Variants in OSBPL5 observed in about 807,000 individuals in gnomAD.
The protein encoded by OSBPL5 is oxysterol binding protein like 5.
Under a neutral mutation model 111.2 loss-of-function variants are expected in OSBPL5, and 71 were observed. The ratio of observed to expected loss-of-function variants is 0.64; its 90% CI spans 0.53 to 0.78. The LOEUF (loss-of-function observed/expected upper bound fraction) is 0.78. Among genes scored for constraint, OSBPL5 ranks in the 30% least tolerant of loss-of-function variants. The probability of loss-of-function intolerance (pLI) is 0.00; values close to 1 mark genes in which losing one functional copy is unlikely to be tolerated. For synonymous variants in OSBPL5, 549 were observed against 513.9 expected (o/e 1.07, Z -0.93); for missense variants, 1,210 against 1,189.3 (o/e 1.02, Z -0.26).
chr11:3,120,138 A>G (rs1306202424), intron 6 of OSBPL5, among the ~76,000 whole-genome samples: 1 of 151,944 alleles, frequency 6.6e-6, no homozygotes, highest in Non-Finnish European at 1.5e-5. Context: ...TTCCTCGGCC[A>G]CCCCTGGGGA....
chr11:3,097,293 T>G (rs1857307656), intron 14 of OSBPL5, among the ~76,000 whole-genome samples: 1 of 151,990 alleles, frequency 6.6e-6, no homozygotes, highest in African/African-American at 2.4e-5. Context: ...AAGCAGGCAC[T>G]CTCACATGGC....
At chr11:3,158,231 G>A (rs540189075) in intron 1 of OSBPL5, among the ~76,000 whole-genome samples, 5 of 152,362 alleles carry the variant, frequency 3.3e-5, no homozygotes, top group South Asian at 2.1e-4. Flanking sequence ...TCTAGGTCTC[G>A]GAGCGAGAGA....
intron 14 of OSBPL5, among the ~76,000 whole-genome samples, chr11:3,096,982 GTGGGAGGAGGAGA>G (rs1564824448): frequency 9.3e-3 from 39 of 4,192 alleles, no homozygotes; most frequent in Non-Finnish European, 9.9e-3. Flanking sequence ...GAGGGGGAAG[GTGGGAGGAGGAGA>G]AGAGGAAAGA....
Position 3,137,967 on chromosome 11 carries a change from T to G in OSBPL5, c.-21-8798A>C, listed in dbSNP as rs548456169. Among the ~76,000 whole-genome samples, 39 of 152,292 alleles carry G rather than the reference T, an allele frequency of 2.6e-4. No individual in the cohort carries two copies. In the South Asian group the frequency reaches 7.7e-3, roughly 30 times the overall value. On this transcript the variant is annotated intron_variant, in intron 1 of 21. Coordinates refer to ENST00000263650, the MANE Select transcript of OSBPL5 (RefSeq NM_020896.4). ...AGCTGAGGGGGAGGCCAGGCCTCCC[T>G]CTGGGGAGACATTTATCAGAGGCAG...
chr11:3,155,417 GCCCCAGCTCTGCCACTCA>G (rs1434015051), intron 1 of OSBPL5, among the ~76,000 whole-genome samples: 3 of 152,076 alleles, frequency 2.0e-5, no homozygotes, highest in East Asian at 1.9e-4. Context: ...GGGGATGGGT[GCCCCAGCTCTGCCACTCA>G]CCCCAGCTCT....
At chr11:3,150,188 T>G (rs1846530921) in intron 1 of OSBPL5, among the ~76,000 whole-genome samples, 1 of 152,150 alleles carries the variant, frequency 6.6e-6, no homozygotes, top group Non-Finnish European at 1.5e-5. Flanking sequence ...GGCTAAGGAC[T>G]GCATGCCTGA....
chr11:3,095,373 G>A (rs1049839899), intron 14 of OSBPL5, among the ~76,000 whole-genome samples: 1 of 151,782 alleles, frequency 6.6e-6, no homozygotes, highest in African/African-American at 2.4e-5. Context: ...CCTCCAGATT[G>A]TGATCACTAA....
At chr11:3,093,917 G>A (rs1027409752) in intron 15 of OSBPL5, 82 bp from the exon 16 acceptor site, 14 of 1,495,766 alleles carry the variant, frequency 9.4e-6, no homozygotes, top group Non-Finnish European at 1.3e-5. Context: ...GCACGGAACA[G>A]TTATTCTCTT....
chr11:3,159,970 G>A (rs1846904031), intron 1 of OSBPL5, among the ~76,000 whole-genome samples: 1 of 152,202 alleles, frequency 6.6e-6, no homozygotes, highest in African/African-American at 2.4e-5. Context: ...TCCTCGGCTA[G>A]GCCTTCTGAT....
chr11:3,159,383 G>T (rs1007238797), intron 1 of OSBPL5, among the ~76,000 whole-genome samples: 4 of 152,202 alleles, frequency 2.6e-5, no homozygotes, highest in South Asian at 2.1e-4. Flanking sequence ...CAAAGTGCTC[G>T]CTGGTAGGGA....
At chr11:3,136,690 G>A (rs1262055830) in intron 1 of OSBPL5, among the ~76,000 whole-genome samples, 6 of 152,202 alleles carry the variant, frequency 3.9e-5, no homozygotes, top group African/African-American at 1.4e-4. Context: ...CCCTGGGGAA[G>A]GCGCCTGCAG....
Position 3,092,449 on chromosome 11 carries a change from G to GCCA in OSBPL5, c.2241_2242insTGG (p.Ser747_Pro748insTrp), listed in dbSNP as rs1857094376. On this transcript the variant is annotated inframe_insertion, in exon 19 of 22. Coordinates refer to ENST00000263650, the MANE Select transcript of OSBPL5 (RefSeq NM_020896.4). This position sits in a 1 kb window ranked among gnomAD's most constrained non-coding sequence, Gnocchi z 5.4. ...GTGCTGACCTCGTGCCTGGGCCCTGGGCTGCCCAGGAAGGTGGTCTGGCGG... is the reference window on the plus strand; with the variant it reads ...GTGCTGACCTCGTGCCTGGGCCCTGGCCAGCTGCCCAGGAAGGTGGTCTGGCGG... The GCCA allele has an allele frequency of 6.3e-7, 1 of 1,580,738 alleles. No homozygotes were observed. Among genetic ancestry groups the GCCA allele is most frequent in the African/African-American group, 1.3e-5 (1 of 74,150 alleles).
chr11:3,124,769 C>CATTCGAG (rs1858546938), intron 3 of OSBPL5, among the ~76,000 whole-genome samples: 2 of 152,020 alleles, frequency 1.3e-5, no homozygotes, highest in South Asian at 4.1e-4. Flanking sequence ...TTCACACCGG[C>CATTCGAG]AGCTGGGGGC....
intron 1 of OSBPL5, among the ~76,000 whole-genome samples, chr11:3,160,757 T>C (rs920844774): frequency 1.5e-5 from 2 of 137,304 alleles, no homozygotes; most frequent in African/African-American, 5.5e-5. Context: ...GATACTGAGC[T>C]CTCCCTCCCC....
intron 14 of OSBPL5, chr11:3,094,567 G>A: frequency 2.0e-6 from 1 of 508,502 alleles, no homozygotes; most frequent in Non-Finnish European, 3.5e-6. Context: ...AGCCTGGGAG[G>A]CACGGAGCCT....
Position 3,121,998 on chromosome 11 carries a change from T to A in OSBPL5, c.401A>T (p.Lys134Met). The change falls in exon 5 of 22, where the codon AAG becomes ATG. Residue 134 changes from lysine (K) to methionine (M), a missense_variant and splice_region_variant. By Grantham distance (95) the Lys-to-Met change is moderately conservative. Transcript: ENST00000263650. The surrounding 1 kb of genome is among the most constrained non-coding windows in gnomAD (Gnocchi z 4.3). ...GGCCGGAGGCCGGGCATCACCTACC[T>A]TCAGGCTGTCAGCCATGATGACCAC... Reference protein sequence around the residue: ...PSVVIMADSLKIRGTLKSWTK... With the variant: ...PSVVIMADSLMIRGTLKSWTK... 6.4e-7 allele frequency: 1 copy of A among 1,562,812 alleles called. No individual in the cohort carries two copies. Among genetic ancestry groups the A allele is most frequent in the African/African-American group, 1.3e-5 (1 of 74,284 alleles).
chr11:3,119,415 G>T, intron 7 of OSBPL5, 132 bp downstream of exon 7: 1 of 885,290 alleles, frequency 1.1e-6, no homozygotes, highest in Non-Finnish European at 1.6e-6. Context: ...GCTCATCCTG[G>T]CCAGACTTCA....
intron 1 of OSBPL5, among the ~76,000 whole-genome samples, chr11:3,158,484 G>T (rs1846849406): frequency 6.6e-6 from 1 of 152,248 alleles, no homozygotes; most frequent in South Asian, 2.1e-4. Flanking sequence ...AAGACAGCAG[G>T]GTGGAGATTT....
chr11:3,096,415 T>A (rs1201818746), intron 14 of OSBPL5, among the ~76,000 whole-genome samples: 1 of 152,054 alleles, frequency 6.6e-6, no homozygotes, highest in African/African-American at 2.4e-5. Flanking sequence ...GGGCAGGAGT[T>A]TGTGACCAGC....
Sources: gnomAD v4.1 joint callset for allele counts (sites outside exome capture counted in the v4.1 genomes callset) on GRCh38, gnomAD v4.1.1 for gene constraint, Gnocchi (gnomAD v3.1) non-coding constraint, MANE v1.5 for transcripts, NCBI Gene and HGNC (gene_info 2026-07-23, HGNC 2026-07-21) for gene names.